UPF2: variants seen among roughly 807,000 people sequenced by gnomAD.
UPF2 encodes the protein UPF2 regulator of nonsense mediated mRNA decay, also known as regulator of nonsense transcripts 2.
Under a neutral mutation model 141.4 loss-of-function variants are expected in UPF2, and 17 were observed. The observed-to-expected ratio is 0.12, with a 90% confidence interval of 0.08 to 0.18. The LOEUF (loss-of-function observed/expected upper bound fraction) is 0.18. Among genes scored for constraint, UPF2 ranks in the 10% least tolerant of loss-of-function variants. The probability of loss-of-function intolerance (pLI) is 1.00; values close to 1 mark genes in which losing one functional copy is unlikely to be tolerated. For missense variants in UPF2, 1,152 were observed against 1,515.9 expected (o/e 0.76, Z 3.99); for synonymous variants, 540 against 498.0 (o/e 1.08, Z -1.12).
At chr10:11,928,587 T>C (rs1832742453) in intron 21 of UPF2, 1 of 170,826 alleles carries the variant, frequency 5.9e-6, no homozygotes, top group South Asian at 1.1e-4. Flanking sequence ...CGGGCGCCTG[T>C]GGTCCCAGCT....
In UPF2 at chr10:12,016,513, G is replaced by A. The variant is rs1588571401; in HGVS notation, c.1146-2329C>T. Among the ~76,000 whole-genome samples the A allele has an allele frequency of 6.6e-6, 1 of 151,912 alleles. No individual in the cohort carries two copies. Among genetic ancestry groups the A allele is most frequent in the East Asian group, 1.9e-4 (1 of 5,132 alleles). ...GTTTGAGACCAGCCTGGCCAATATG[G>A]TGAAACTCTGTCTCTACTAAAAATA... On this transcript the variant is annotated intron_variant, in intron 3 of 21. Coordinates refer to ENST00000357604, the MANE Select transcript of UPF2 (RefSeq NM_015542.4). The surrounding 1 kb of genome is among the most constrained non-coding windows in gnomAD (Gnocchi z 4.1).
At chr10:11,944,292 A>G (rs1194296454) in intron 16 of UPF2, among the ~76,000 whole-genome samples, 1 of 152,160 alleles carries the variant, frequency 6.6e-6, no homozygotes, top group African/African-American at 2.4e-5. Flanking sequence ...TCAGGAGTTC[A>G]AGACCAGCCT....
At position 11,964,002 on chromosome 10, in the gene UPF2, C is replaced by A. The variant is rs372380516; in HGVS notation, c.2184+7G>T. 8 of 1,603,092 alleles carry A rather than the reference C, an allele frequency of 5.0e-6. No homozygotes were observed. The African/African-American group carries it at 9.4e-5, about 19-fold the overall frequency. On this transcript the variant is annotated splice_region_variant and intron_variant, in intron 11 of 21. Coordinates refer to ENST00000357604, the MANE Select transcript of UPF2 (RefSeq NM_015542.4). ...TCTAGCTCTTACCAGCATCCTCAAG[C>A]CCTTACCAAAAGTACACTGGTCCTC...
At chr10:11,999,811 G>T (rs2131264283) in intron 7 of UPF2, 95 bp downstream of exon 7, 1 of 999,632 alleles carries the variant, frequency 1.0e-6, no homozygotes, top group South Asian at 1.4e-5. Flanking sequence ...GGTGGACTTT[G>T]TAGCTCAAAC....
At position 11,931,417 on chromosome 10, in the gene UPF2, C is replaced by G. The variant is rs1832780520; in HGVS notation, c.3688+224G>C. On this transcript the variant is annotated intron_variant, in intron 20 of 21. Coordinates refer to ENST00000357604, the MANE Select transcript of UPF2 (RefSeq NM_015542.4). This position sits in a 1 kb window ranked among gnomAD's most constrained non-coding sequence, Gnocchi z 5.9. ...TAAAAATTGATTATCACCTTGCTTG[C>G]AAACGTAGCTTAGCAGTTTATACTC... 6.6e-6 allele frequency among the ~76,000 whole-genome samples: 1 copy of G among 152,188 alleles called. No homozygotes were observed. The highest frequency in any genetic ancestry group is 2.4e-5 in the African/African-American group (1 of 41,446).
In UPF2 at chr10:12,004,565, C is replaced by T; in HGVS notation, c.1469G>A (p.Cys490Tyr). 1 of 1,613,434 alleles carries T rather than the reference C, an allele frequency of 6.2e-7. No homozygotes were observed. Among genetic ancestry groups the T allele is most frequent in the Non-Finnish European group, 8.5e-7 (1 of 1,179,762 alleles). The change falls in exon 5 of 22, where the codon TGT becomes TAT. Residue 490 changes from cysteine to tyrosine, a missense_variant. Cys to Tyr is a radical substitution (Grantham distance 194). This residue lies in a region of UPF2 where 739 missense variants were observed against 1,032.2 expected (regional missense o/e 0.72). Coordinates refer to ENST00000357604, the MANE Select transcript of UPF2 (RefSeq NM_015542.4). ...ATCTTTGTTGGACTCTTTATTCTGA[C>T]AACTTTTTTCATTGTCTTTAAACAA... is the stretch of plus-strand genomic sequence containing the variant. ...AILFKDNEKS[C>Y]QNKESNKDDT...
chr10:11,963,860 A>G (rs1223851091), intron 11 of UPF2, 149 bp downstream of exon 11: 1 of 560,668 alleles, frequency 1.8e-6, no homozygotes, highest in Admixed American at 2.8e-5. Context: ...AGGGATTGCA[A>G]CTCATATGTA....
rs1331066578 is a variant in UPF2, at chr10:11,936,756, T to C, written c.3379-44A>G. 4 of 1,529,872 alleles carry C rather than the reference T, an allele frequency of 2.6e-6. No homozygotes were observed. The highest frequency in any genetic ancestry group is 2.3e-5 in the East Asian group (1 of 42,980). The allele number at this position is 1,529,872 out of a possible 1,614,324, so 94.8% of individuals were successfully genotyped here. Reference sequence around the variant, plus strand: ...GACATAATAAACACTCCAAGATATATACGGATATATGTCAATATAAATTGC... The same window carrying C: ...GACATAATAAACACTCCAAGATATACACGGATATATGTCAATATAAATTGC... On this transcript the variant is annotated intron_variant, in intron 18 of 21. Coordinates refer to ENST00000357604, the MANE Select transcript of UPF2 (RefSeq NM_015542.4). This position sits in a 1 kb window ranked among gnomAD's most constrained non-coding sequence, Gnocchi z 6.6.
chr10:11,981,686 CTT>C (rs35831597), intron 8 of UPF2, among the ~76,000 whole-genome samples: 2 of 151,462 alleles, frequency 1.3e-5, no homozygotes, highest in African/African-American at 2.4e-5. Flanking sequence ...GTAAGGTACT[CTT>C]TTTTTTTTCT....
chr10:12,035,010 TCCAATCTTCC>T, intron 2 of UPF2, 39 bp downstream of exon 2: 1 of 1,510,278 alleles, frequency 6.6e-7, no homozygotes, highest in African/African-American at 1.4e-5. Context: ...CCCAAAATAT[TCCAATCTTCC>T]CATTCCCTCA....
intron 5 of UPF2, among the ~76,000 whole-genome samples, chr10:12,002,229 C>T (rs181471397): frequency 2.0e-5 from 3 of 152,278 alleles, no homozygotes; most frequent in Admixed American, 2.0e-4. Flanking sequence ...CGAGAGAGCA[C>T]CACTGCACTT....
At chr10:12,030,541 A>G (rs1438428720) in intron 2 of UPF2, among the ~76,000 whole-genome samples, 2 of 130,816 alleles carry the variant, frequency 1.5e-5, no homozygotes, top group African/African-American at 5.9e-5. Context: ...CTCTGCCTCA[A>G]AAAATAATAA....
Position 11,921,261 on chromosome 10 carries a change from A to G in UPF2, c.*37T>C, listed in dbSNP as rs767686708. On this transcript the variant is annotated 3_prime_UTR_variant, in exon 22 of 22. Transcript: ENST00000357604. The surrounding 1 kb of genome is among the most constrained non-coding windows in gnomAD (Gnocchi z 5.9). ...GGAGGACTCCACTAACCACAACATC[A>G]GATACAGGACCTAATGAAATGACAC... is the stretch of plus-strand genomic sequence containing the variant. 6 of 1,613,926 alleles carry G rather than the reference A, an allele frequency of 3.7e-6. No individual in the cohort carries two copies. The South Asian group carries it at 6.6e-5, about 18-fold the overall frequency.
chr10:11,925,326 G>C (rs1046832742), intron 21 of UPF2, among the ~76,000 whole-genome samples: 2 of 152,118 alleles, frequency 1.3e-5, no homozygotes, highest in Non-Finnish European at 2.9e-5. Context: ...GCTATTTTAA[G>C]AAAAGATCTT....
chr10:11,950,106 C>T (rs762481643), intron 15 of UPF2, among the ~76,000 whole-genome samples: 34 of 151,778 alleles, frequency 2.2e-4, no homozygotes, highest in South Asian at 6.2e-4. Flanking sequence ...AATATTAACA[C>T]GATTATCTTT....
At chr10:11,963,949 C>T in intron 11 of UPF2, 60 bp downstream of exon 11, 1 of 1,229,302 alleles carries the variant, frequency 8.1e-7, no homozygotes, top group Non-Finnish European at 1.2e-6. Context: ...ATATTTTCAA[C>T]CTCTGAAGCA....
intron 15 of UPF2, 42 bp downstream of exon 15, chr10:11,952,024 C>A: frequency 1.3e-6 from 2 of 1,584,374 alleles, no homozygotes; most frequent in South Asian, 1.1e-5. Flanking sequence ...AAATAATCTG[C>A]CAAATATCAC....
chr10:12,032,150 C>T (rs546403939), intron 2 of UPF2, among the ~76,000 whole-genome samples: 52 of 151,190 alleles, frequency 3.4e-4, no homozygotes, highest in African/African-American at 1.1e-3. Flanking sequence ...AAAAATTAGC[C>T]GGGCATGGTG....
intron 9 of UPF2, among the ~76,000 whole-genome samples, chr10:11,976,182 C>G (rs1833504416): frequency 6.6e-6 from 1 of 152,220 alleles, no homozygotes; most frequent in Non-Finnish European, 1.5e-5. Flanking sequence ...ACATTTCATA[C>G]AGCTTTGTTA....
Sources: allele counts gnomAD v4.1 joint callset (sites outside exome capture counted in the v4.1 genomes callset), GRCh38; gene constraint gnomAD v4.1.1; regional missense constraint gnomAD v4.1.1; non-coding constraint Gnocchi (gnomAD v3.1); transcripts MANE v1.5; gene names NCBI Gene and HGNC (gene_info 2026-07-23, HGNC 2026-07-21).